The following CMIP variants were observed in gnomAD, a reference collection of about 807,000 sequenced individuals.
The protein encoded by CMIP is c-Maf inducing protein, also known as C-Maf-inducing protein.
CMIP carries 13 observed loss-of-function variants against 97.3 expected under a neutral mutation model. The observed-to-expected ratio is 0.13, with a 90% CI of 0.09 to 0.21. CMIP has a LOEUF of 0.21. CMIP is among the 10% of genes least tolerant of loss of function. The probability of loss-of-function intolerance (pLI) is 1.00; values close to 1 mark genes in which losing one functional copy is unlikely to be tolerated. For missense variants in CMIP, 847 were observed against 1,024.9 expected (o/e 0.83, Z 2.37); for synonymous variants, 538 against 436.3 (o/e 1.23, Z -2.91).
intron 1 of CMIP, among the ~76,000 whole-genome samples, chr16:81,552,145 T>C (rs1176592452): frequency 6.6e-6 from 1 of 152,114 alleles, no homozygotes; most frequent in Non-Finnish European, 1.5e-5. Context: ...AGCGGTGGCC[T>C]GGCTGCAAGG....
chr16:81,690,196 T>G (rs968982161), intron 10 of CMIP, among the ~76,000 whole-genome samples: 1 of 152,176 alleles, frequency 6.6e-6, no homozygotes. Context: ...GTGAAGAAAG[T>G]CATTGGTAGG....
chr16:81,559,614 A>G (rs1319341266), intron 1 of CMIP, among the ~76,000 whole-genome samples: 1 of 152,104 alleles, frequency 6.6e-6, no homozygotes, highest in Non-Finnish European at 1.5e-5. Flanking sequence ...TCATAGTGCA[A>G]TGCATTGCTC....
chr16:81,526,623 A>G (rs1402834695), intron 1 of CMIP, among the ~76,000 whole-genome samples: 1 of 152,166 alleles, frequency 6.6e-6, no homozygotes, highest in Non-Finnish European at 1.5e-5. Flanking sequence ...TTTCCTTTGC[A>G]GTTTCCTATT....
intron 1 of CMIP, among the ~76,000 whole-genome samples, chr16:81,456,894 C>T (rs983364487): frequency 1.3e-5 from 2 of 152,194 alleles, no homozygotes; most frequent in Non-Finnish European, 2.9e-5. Context: ...GCTTCCTGGG[C>T]CAGCTTCCTG....
intron 1 of CMIP, among the ~76,000 whole-genome samples, chr16:81,559,181 G>A (rs1314009025): frequency 2.0e-5 from 3 of 152,176 alleles, no homozygotes; most frequent in African/African-American, 7.2e-5. Context: ...TTATTTAAAA[G>A]GGAACACCAA....
intron 3 of CMIP, among the ~76,000 whole-genome samples, chr16:81,637,317 C>A (rs908835443): frequency 1.3e-5 from 2 of 152,182 alleles, no homozygotes; most frequent in African/African-American, 4.8e-5. Flanking sequence ...AGGTGATACA[C>A]CTGCCTCGGC....
At chr16:81,471,380 GTGCATA>G (rs1215505335) in intron 1 of CMIP, among the ~76,000 whole-genome samples, 4 of 151,824 alleles carry the variant, frequency 2.6e-5, no homozygotes, top group African/African-American at 9.7e-5. Context: ...GTGTATACAT[GTGCATA>G]TGCATATACA....
intron 1 of CMIP, among the ~76,000 whole-genome samples, chr16:81,567,740 A>G (rs941537540): frequency 2.0e-5 from 3 of 152,002 alleles, no homozygotes; most frequent in Non-Finnish European, 2.9e-5. Flanking sequence ...CACAGAACTG[A>G]CCACCTTCTA....
chr16:81,671,159 C>T (rs1200991728), intron 8 of CMIP, among the ~76,000 whole-genome samples: 7 of 152,112 alleles, frequency 4.6e-5, no homozygotes, highest in Non-Finnish European at 8.8e-5. Flanking sequence ...ATCACAGTAA[C>T]CCATTTAAAC....
At chr16:81,569,742 G>A (rs763610893) in intron 1 of CMIP, among the ~76,000 whole-genome samples, 13 of 152,226 alleles carry the variant, frequency 8.5e-5, no homozygotes, top group Non-Finnish European at 1.9e-4. Context: ...GAAAGAGCTG[G>A]CTTAGCCATA....
chr16:81,571,118 T>C (rs576070947), intron 1 of CMIP, among the ~76,000 whole-genome samples: 1 of 152,274 alleles, frequency 6.6e-6, no homozygotes, highest in East Asian at 1.9e-4. Flanking sequence ...GAACTCTAGG[T>C]ACTAACTCAG....
At chr16:81,596,527 A>G (rs77238090) in intron 1 of CMIP, among the ~76,000 whole-genome samples, 1 of 151,258 alleles carries the variant, frequency 6.6e-6, no homozygotes, top group South Asian at 2.1e-4. Context: ...AAAAAAAAAA[A>G]TTTCAATTGG....
intron 1 of CMIP, among the ~76,000 whole-genome samples, chr16:81,456,184 GGGCCA>G (rs1906533188): frequency 1.3e-5 from 2 of 152,362 alleles, no homozygotes; most frequent in African/African-American, 4.8e-5. Context: ...AGTCCCAGCA[GGGCCA>G]GACAGAGCCC....
chr16:81,691,066 A>G (rs913601511), intron 10 of CMIP, among the ~76,000 whole-genome samples: 5 of 152,258 alleles, frequency 3.3e-5, no homozygotes, highest in African/African-American at 1.2e-4. Flanking sequence ...TTCTGATCAC[A>G]GAAAGGTGAG....
intron 2 of CMIP, among the ~76,000 whole-genome samples, chr16:81,617,924 A>G (rs1318863988): frequency 2.6e-5 from 4 of 152,190 alleles, no homozygotes; most frequent in Admixed American, 2.0e-4. Context: ...GCCAGTGGAC[A>G]CAGAAGAGGG....
chr16:81,642,527 C>G (rs993769485), intron 3 of CMIP, among the ~76,000 whole-genome samples: 7 of 152,232 alleles, frequency 4.6e-5, no homozygotes, highest in Non-Finnish European at 8.8e-5. Flanking sequence ...TAAACTGATT[C>G]AGTGCAGTTG....
chr16:81,589,879 CAA>C (rs2091440901), intron 1 of CMIP, among the ~76,000 whole-genome samples: 1 of 152,232 alleles, frequency 6.6e-6, no homozygotes, highest in South Asian at 2.1e-4. Flanking sequence ...AGTAAAACGA[CAA>C]AGTGTACCTC....
intron 10 of CMIP, among the ~76,000 whole-genome samples, chr16:81,690,018 C>T (rs1284770532): frequency 6.6e-6 from 1 of 152,164 alleles, no homozygotes; most frequent in Non-Finnish European, 1.5e-5. Context: ...GTCTGTATCT[C>T]TGTTTTGGTA....
At chr16:81,671,372 G>A (rs535437264) in intron 8 of CMIP, among the ~76,000 whole-genome samples, 18 of 152,282 alleles carry the variant, frequency 1.2e-4, no homozygotes, top group African/African-American at 4.3e-4. Flanking sequence ...GTTATCCTCA[G>A]GACCACCAAA....
Sources: allele counts gnomAD v4.1 joint callset (sites outside exome capture counted in the v4.1 genomes callset), GRCh38; gene constraint gnomAD v4.1.1; transcripts MANE v1.5; gene names NCBI Gene and HGNC (gene_info 2026-07-23, HGNC 2026-07-21).